HOMER1: variants seen among roughly 807,000 people sequenced by gnomAD.
HOMER1 encodes homer scaffold protein 1.
In HOMER1, 3 loss-of-function variants were observed where a neutral mutation model predicts 48.9. The observed-to-expected ratio is 0.06, with a 90% CI of 0.03 to 0.16. The LOEUF (loss-of-function observed/expected upper bound fraction) is 0.16, where lower values mean the gene tolerates loss of function less well. Ranked by LOEUF, HOMER1 falls within the 10% of genes least tolerant of loss-of-function variation. HOMER1 has a pLI of 1.00. For synonymous variants in HOMER1, 134 were observed against 146.4 expected, an observed-to-expected ratio of 0.92 and a Z score of 0.61; for missense variants, 247 against 411.4, an observed-to-expected ratio of 0.60 and a Z score of 3.46.
intron 5 of HOMER1, among the ~76,000 whole-genome samples, chr5:79,429,248 C>T (rs1276045403): frequency 2.0e-5 from 3 of 151,916 alleles, no homozygotes; most frequent in Non-Finnish European, 4.4e-5. Flanking sequence ...CCCAGCTACT[C>T]GGGAGGCTGA....
chr5:79,500,985 CA>C (rs1752569323), intron 1 of HOMER1, among the ~76,000 whole-genome samples: 1 of 143,402 alleles, frequency 7.0e-6, no homozygotes, highest in African/African-American at 2.5e-5. Context: ...CACACACACA[CA>C]CACACACAAG....
chr5:79,413,428 G>A (rs922303996), intron 5 of HOMER1, among the ~76,000 whole-genome samples: 1 of 152,046 alleles, frequency 6.6e-6, no homozygotes, highest in Non-Finnish European at 1.5e-5. Flanking sequence ...CAAGGAAATT[G>A]TATCTTTAAA....
chr5:79,377,231 G>A (rs569442223), intron 8 of HOMER1, among the ~76,000 whole-genome samples: 3 of 152,274 alleles, frequency 2.0e-5, no homozygotes, highest in African/African-American at 7.2e-5. Context: ...CTCCAAATGT[G>A]CTAGGATTAC....
At chr5:79,502,842 G>C (rs868081669) in intron 1 of HOMER1, among the ~76,000 whole-genome samples, 16 of 152,168 alleles carry the variant, frequency 1.1e-4, no homozygotes, top group Non-Finnish European at 8.8e-5. Context: ...CCAGGCTGGA[G>C]TGCAGTGGCG....
chr5:79,446,801 CTAAT>C (rs1406530470), intron 4 of HOMER1, among the ~76,000 whole-genome samples: 4 of 130,768 alleles, frequency 3.1e-5, no homozygotes, highest in Non-Finnish European at 6.3e-5. Context: ...CCACACTTGG[CTAAT>C]TTTTTTTTTT....
chr5:79,421,045 G>A (rs1750084427), intron 5 of HOMER1, among the ~76,000 whole-genome samples: 1 of 152,130 alleles, frequency 6.6e-6, no homozygotes, highest in Non-Finnish European at 1.5e-5. Flanking sequence ...AAAGATAACT[G>A]TGCTTTCCAG....
chr5:79,418,599 G>T (rs1438067216), intron 5 of HOMER1, among the ~76,000 whole-genome samples: 1 of 152,166 alleles, frequency 6.6e-6, no homozygotes, highest in Non-Finnish European at 1.5e-5. Flanking sequence ...GACTTTGAAA[G>T]AATTTTTCTT....
intron 3 of HOMER1, among the ~76,000 whole-genome samples, chr5:79,448,777 A>AT (rs1392599883): frequency 6.6e-6 from 1 of 152,140 alleles, no homozygotes; most frequent in Non-Finnish European, 1.5e-5. Flanking sequence ...ATAAATTATG[A>AT]TTTTGTCAGC....
intron 5 of HOMER1, among the ~76,000 whole-genome samples, chr5:79,425,918 A>C (rs541028568): frequency 6.6e-6 from 1 of 152,120 alleles, no homozygotes. Flanking sequence ...TGCTTTCTGA[A>C]AACACTTTTG....
At chr5:79,429,079 C>T (rs1750349503) in intron 5 of HOMER1, among the ~76,000 whole-genome samples, 1 of 152,102 alleles carries the variant, frequency 6.6e-6, no homozygotes, top group East Asian at 1.9e-4. Context: ...ATTAAGACAG[C>T]GTAGGCCGGG....
At chr5:79,496,407 T>C (rs555974956) in intron 1 of HOMER1, among the ~76,000 whole-genome samples, 29 of 152,312 alleles carry the variant, frequency 1.9e-4, no homozygotes, top group Admixed American at 1.8e-3. Flanking sequence ...CAGCAGATGA[T>C]ATGCCTCATA....
chr5:79,390,864 C>G (rs1017702028), intron 8 of HOMER1, among the ~76,000 whole-genome samples: 2 of 151,764 alleles, frequency 1.3e-5, no homozygotes, highest in Admixed American at 1.3e-4. Flanking sequence ...GAAATAAAGT[C>G]AAAATTACAG....
In HOMER1 at chr5:79,408,122, T is replaced by C. The variant is rs560502421; in HGVS notation, c.528-6067A>G. Among the ~76,000 whole-genome samples the C allele has an allele frequency of 2.6e-5, 4 of 152,266 alleles. No homozygotes were observed. In the South Asian group the frequency reaches 6.2e-4, roughly 24 times the overall value. On this transcript the variant is annotated intron_variant, in intron 5 of 8. Transcript: ENST00000334082. Reference sequence around the variant, plus strand: ...AAAAAACATAAACATAAACCCTACATATAGGGTTCACTACTATCCATGGTT... The same window carrying C: ...AAAAAACATAAACATAAACCCTACACATAGGGTTCACTACTATCCATGGTT...
At chr5:79,503,833 T>C (rs188819778) in intron 1 of HOMER1, among the ~76,000 whole-genome samples, 1 of 152,266 alleles carries the variant, frequency 6.6e-6, no homozygotes, top group Non-Finnish European at 1.5e-5. Flanking sequence ...ATCTTCACAT[T>C]GAGCAGGCTG....
chr5:79,497,908 G>C (rs1380954011), intron 1 of HOMER1, among the ~76,000 whole-genome samples: 2 of 152,136 alleles, frequency 1.3e-5, no homozygotes, highest in Non-Finnish European at 2.9e-5. Context: ...TGTTAGAAGA[G>C]TAAATTCATG....
At chr5:79,473,420 A>G (rs1430258414) in intron 1 of HOMER1, among the ~76,000 whole-genome samples, 2 of 152,182 alleles carry the variant, frequency 1.3e-5, no homozygotes, top group South Asian at 4.1e-4. Flanking sequence ...AGGGAAGCCA[A>G]AAGATTGGAC....
intron 1 of HOMER1, among the ~76,000 whole-genome samples, chr5:79,480,979 A>C (rs1314539531): frequency 6.6e-6 from 1 of 152,244 alleles, no homozygotes; most frequent in Admixed American, 6.5e-5. Context: ...ATACTCTTCA[A>C]CCATCACAAT....
intron 8 of HOMER1, among the ~76,000 whole-genome samples, chr5:79,393,455 C>T (rs747340371): frequency 1.3e-5 from 2 of 152,090 alleles, no homozygotes; most frequent in East Asian, 3.9e-4. Flanking sequence ...AAAATGCACT[C>T]GTGACTTCAA....
At chr5:79,457,361 A>G (rs908176723) in intron 1 of HOMER1, among the ~76,000 whole-genome samples, 4 of 152,188 alleles carry the variant, frequency 2.6e-5, no homozygotes, top group Admixed American at 2.6e-4. Context: ...GCACATTTCC[A>G]TCTGAAACTG....
Sources: allele counts gnomAD v4.1 joint callset (sites outside exome capture counted in the v4.1 genomes callset), GRCh38; gene constraint gnomAD v4.1.1; transcripts MANE v1.5; gene names NCBI Gene and HGNC (gene_info 2026-07-23, HGNC 2026-07-21).